BCL2L1: variants seen among roughly 807,000 people sequenced by gnomAD.
BCL2L1 encodes BCL2 like 1, also known as bcl-2-like protein 1.
BCL2L1 carries 1 observed loss-of-function variant against 18.7 expected under a neutral mutation model. That is an observed-to-expected ratio of 0.05 (90% CI 0.02 to 0.25). The LOEUF is 0.25. Among genes scored for constraint, BCL2L1 ranks in the 10% least tolerant of loss-of-function variants. BCL2L1 has a pLI of 1.00. For missense variants in BCL2L1, 207 were observed against 304.9 expected, an observed-to-expected ratio of 0.68 and a Z score of 2.39; for synonymous variants, 103 against 122.7, an observed-to-expected ratio of 0.84 and a Z score of 1.06.
At chr20:31,669,078 C>T (rs776870166) in intron 2 of BCL2L1, among the ~76,000 whole-genome samples, 12 of 152,126 alleles carry the variant, frequency 7.9e-5, no homozygotes, top group Middle Eastern at 3.4e-3. Flanking sequence ...ATTTTTGTGA[C>T]AGTGTCTCAC....
At chr20:31,693,553 G>A (rs185908212) in intron 2 of BCL2L1, among the ~76,000 whole-genome samples, 7 of 152,156 alleles carry the variant, frequency 4.6e-5, no homozygotes, top group Non-Finnish European at 8.8e-5. Context: ...TGTTTTTAGA[G>A]ACAAGGTCTC....
chr20:31,723,879 C>G, upstream of BCL2L1: 1 of 985,472 alleles, frequency 1.0e-6, no homozygotes, highest in Non-Finnish European at 1.2e-6. Flanking sequence ...TGACTGCTCG[C>G]GCCGTCTCTC....
At chr20:31,682,571 G>A (rs570991072) in intron 2 of BCL2L1, among the ~76,000 whole-genome samples, 6 of 152,104 alleles carry the variant, frequency 3.9e-5, no homozygotes, top group Admixed American at 2.6e-4. Flanking sequence ...TCAGCCTCCC[G>A]ACTAGGTGGG....
At chr20:31,697,660 A>T (rs929079219) in intron 2 of BCL2L1, among the ~76,000 whole-genome samples, 9 of 152,140 alleles carry the variant, frequency 5.9e-5, no homozygotes, top group African/African-American at 2.2e-4. Flanking sequence ...GATGGTCTCA[A>T]ACTCCTGACC....
At chr20:31,701,864 G>A (rs1227920925) in intron 2 of BCL2L1, among the ~76,000 whole-genome samples, 2 of 152,148 alleles carry the variant, frequency 1.3e-5, no homozygotes, top group Non-Finnish European at 2.9e-5. Flanking sequence ...TATTCAAAAA[G>A]TATTCACTGA....
At position 31,721,849 on chromosome 20, in the gene BCL2L1, C is replaced by G. The variant is rs1343127692; in HGVS notation, c.370G>C (p.Glu124Gln). ...ITPGTAYQSF[E>Q]QVVNELFRDG... Reference sequence around the variant, plus strand: ...CGGAAGAGTTCATTCACTACCTGTTCAAAGCTCTGATATGCTGTCCCTGGG... The same window carrying G: ...CGGAAGAGTTCATTCACTACCTGTTGAAAGCTCTGATATGCTGTCCCTGGG... Residue 124 changes from glutamate (E) to glutamine (Q), a missense_variant, in exon 2 of 3, where the codon GAA becomes CAA. Transcript: ENST00000307677. 3 of 1,614,212 alleles carry G rather than the reference C, an allele frequency of 1.9e-6. No individual in the cohort carries two copies. The highest frequency in any genetic ancestry group is 1.7e-5 in the Admixed American group (1 of 60,030).
chr20:31,668,431 T>G (rs1223259899), intron 2 of BCL2L1, among the ~76,000 whole-genome samples: 1 of 151,888 alleles, frequency 6.6e-6, no homozygotes, highest in Admixed American at 6.6e-5. Context: ...GCGATTCTCC[T>G]GAGTAGCTGG....
intron 2 of BCL2L1, among the ~76,000 whole-genome samples, chr20:31,669,826 T>C (rs1012116986): frequency 1.3e-5 from 2 of 152,134 alleles, no homozygotes; most frequent in African/African-American, 4.8e-5. Flanking sequence ...TGTAAATACA[T>C]GAGAATACAT....
At chr20:31,669,853 T>C (rs1163942953) in intron 2 of BCL2L1, among the ~76,000 whole-genome samples, 1 of 152,186 alleles carries the variant, frequency 6.6e-6, no homozygotes, top group Non-Finnish European at 1.5e-5. Context: ...ACAAATGTAT[T>C]GCATGTCTAC....
chr20:31,700,327 C>G (rs536005908), intron 2 of BCL2L1, among the ~76,000 whole-genome samples: 32 of 152,278 alleles, frequency 2.1e-4, no homozygotes, highest in Admixed American at 1.4e-3. Flanking sequence ...GCTCTGGCTC[C>G]CATTTCAGAA....
chr20:31,708,616 C>A (rs760096475), intron 2 of BCL2L1, among the ~76,000 whole-genome samples: 2 of 152,150 alleles, frequency 1.3e-5, no homozygotes, highest in Admixed American at 6.5e-5. Flanking sequence ...ACTGACCCCT[C>A]CCCCCAGCTG....
At chr20:31,721,555 C>A (rs2061631104) in intron 2 of BCL2L1, 100 bp downstream of exon 2, 13 of 1,402,914 alleles carry the variant, frequency 9.3e-6, no homozygotes, top group Middle Eastern at 2.5e-4. Flanking sequence ...ACGTCTCCAA[C>A]AATCACCCAA....
intron 2 of BCL2L1, among the ~76,000 whole-genome samples, chr20:31,704,904 T>C (rs2061347474): frequency 1.3e-5 from 2 of 152,216 alleles, no homozygotes; most frequent in South Asian, 4.1e-4. Flanking sequence ...TAAGCAAATA[T>C]TAATGAGTTT....
intron 2 of BCL2L1, among the ~76,000 whole-genome samples, chr20:31,689,786 C>T (rs913621560): frequency 2.0e-5 from 3 of 152,220 alleles, no homozygotes; most frequent in African/African-American, 7.2e-5. Flanking sequence ...GAGGCTGAGG[C>T]GGGCGGATCA....
chr20:31,696,595 T>A (rs1344464122), intron 2 of BCL2L1, among the ~76,000 whole-genome samples: 4 of 152,202 alleles, frequency 2.6e-5, no homozygotes, highest in Non-Finnish European at 5.9e-5. Flanking sequence ...TGTATACATT[T>A]TGGCATTTAT....
At chr20:31,693,080 A>AG (rs2061107469) in intron 2 of BCL2L1, among the ~76,000 whole-genome samples, 1 of 150,970 alleles carries the variant, frequency 6.6e-6, no homozygotes, top group Admixed American at 6.6e-5. Context: ...AAAAAAAAAA[A>AG]CAAAAACAAA....
chr20:31,692,181 CA>C (rs2061086265), intron 2 of BCL2L1, among the ~76,000 whole-genome samples: 1 of 152,230 alleles, frequency 6.6e-6, no homozygotes, highest in Non-Finnish European at 1.5e-5. Flanking sequence ...ACAAACCTTC[CA>C]GGTGATTCTG....
chr20:31,718,593 T>C (rs1477597112), intron 2 of BCL2L1, among the ~76,000 whole-genome samples: 1 of 148,454 alleles, frequency 6.7e-6, no homozygotes, highest in African/African-American at 2.5e-5. Flanking sequence ...AGGCAGAGGC[T>C]GCAGTGAGCT....
chr20:31,697,890 C>CTGTTTTTTTTTGTTTGTTTGTT (rs1555871478), intron 2 of BCL2L1, among the ~76,000 whole-genome samples: 9 of 78,818 alleles, frequency 1.1e-4, no homozygotes, highest in African/African-American at 1.0e-3. Context: ...TGTGCTGTTG[C>CTGTTTTTTTTTGTTTGTTTGTT]TGTTTTTTTT....
Sources: gnomAD v4.1 joint callset for allele counts (sites outside exome capture counted in the v4.1 genomes callset) on GRCh38, gnomAD v4.1.1 for gene constraint, MANE v1.5 for transcripts, NCBI Gene and HGNC (gene_info 2026-07-23, HGNC 2026-07-21) for gene names.